Variants in CNGB1 observed in about 807,000 individuals in gnomAD.
The protein encoded by CNGB1 is cyclic nucleotide-gated channel beta-1.
In CNGB1, 126 loss-of-function variants were observed where a neutral mutation model predicts 151.7. The ratio of observed to expected loss-of-function variants is 0.83; its 90% CI spans 0.72 to 0.96. The LOEUF is 0.96. CNGB1 is among the 40% of genes least tolerant of loss of function. CNGB1 has a pLI of 0.00. For missense variants in CNGB1, 1,698 were observed against 1,627.0 expected, an observed-to-expected ratio of 1.04 and a Z score of -0.75; for synonymous variants, 623 against 635.1, an observed-to-expected ratio of 0.98 and a Z score of 0.29.
chr16:57,902,989 T>C (rs1420430188), intron 27 of CNGB1, among the ~76,000 whole-genome samples: 2 of 152,094 alleles, frequency 1.3e-5, no homozygotes, highest in African/African-American at 2.4e-5. Context: ...GCCCGTAGTC[T>C]TGTAGCTCGA....
intron 15 of CNGB1, 112 bp downstream of exon 15, chr16:57,940,122 C>T (rs1961625662): frequency 1.6e-5 from 17 of 1,033,664 alleles, no homozygotes; most frequent in Admixed American, 6.0e-5. Flanking sequence ...CTCTGTCCTG[C>T]GGGCATCTTA....
In CNGB1 at chr16:57,964,204, T is replaced by C. The variant is rs756954434; in HGVS notation, c.218-2A>G. On this transcript the variant is annotated splice_acceptor_variant, in intron 3 of 32. Transcript: ENST00000251102. LOFTEE classifies it high-confidence loss of function. The stretch of plus-strand genomic sequence containing the variant: ...AAGTAAGGGCAGCCTCCTTGGTCTC[T>C]GGAAAAGAATCTCTCATCCTTCAGA... 23 of 1,613,888 alleles carry C rather than the reference T, an allele frequency of 1.4e-5. No homozygotes were observed. Among genetic ancestry groups the C allele is most frequent in the Non-Finnish European group, 1.9e-5 (23 of 1,179,920 alleles).
At chr16:57,942,563 C>T (rs77546485) in intron 14 of CNGB1, among the ~76,000 whole-genome samples, 12,808 of 152,050 alleles carry the variant, frequency 0.084, 1,722 homozygotes, top group African/African-American at 0.29. Flanking sequence ...AAAACATCGA[C>T]GAAAGAAACT....
At chr16:57,955,262 A>T in intron 12 of CNGB1, 1 of 1,548,896 alleles carries the variant, frequency 6.5e-7, no homozygotes, top group Non-Finnish European at 8.7e-7. Context: ...CTCCCCCGGG[A>T]AGGTCTTCTC....
Position 57,917,303 on chromosome 16 carries a change from T to C in CNGB1, c.2131A>G (p.Thr711Ala), listed in dbSNP as rs1462537449. The change falls in exon 21 of 33, where the codon ACA becomes GCA. Residue 711 changes from threonine (T) to alanine (A), a missense_variant. Coordinates refer to ENST00000251102, the MANE Select transcript of CNGB1 (RefSeq NM_001297.5). ...IYFLDITVFQ[T>A]RLQFVRGGDI... The stretch of plus-strand genomic sequence containing the variant: ...CCGCCTCTGACAAACTGCAGGCGTG[T>C]CTGGAACACGGTGATGTCCAGGAAG... 6.2e-7 allele frequency: 1 copy of C among 1,613,918 alleles called. No homozygotes were observed. The highest frequency in any genetic ancestry group is 1.3e-5 in the African/African-American group (1 of 74,868).
rs1166831114 is a variant in CNGB1, at chr16:57,960,333, C to T, written c.583+149G>A. The T allele has an allele frequency of 3.3e-6, 4 of 1,200,528 alleles. No individual in the cohort carries two copies. In the African/African-American group the frequency reaches 4.5e-5, roughly 14 times the overall value. 74.4% of individuals were successfully genotyped at this position (1,200,528 alleles called of 1,614,324 possible). A position where few individuals can be genotyped will look rare whatever the true frequency, so the allele number is the denominator to read the frequency against. Reference sequence around the variant, plus strand: ...TGGGGAGGGGATTCTGGTGTCCCCGCCAACAGCCTGCTCCAGGCAAGCCCT... The same window carrying T: ...TGGGGAGGGGATTCTGGTGTCCCCGTCAACAGCCTGCTCCAGGCAAGCCCT... On this transcript the variant is annotated intron_variant, in intron 9 of 32. Transcript: ENST00000251102.
intron 1 of CNGB1, among the ~76,000 whole-genome samples, chr16:57,970,199 T>C (rs939003475): frequency 2.6e-5 from 4 of 152,142 alleles, no homozygotes; most frequent in African/African-American, 9.7e-5. Context: ...TCCATTTCCC[T>C]GAAGGTGGGG....
At position 57,904,722 on chromosome 16, in the gene CNGB1, G is replaced by T. The variant is rs765514157; in HGVS notation, c.2634+12C>A. On this transcript the variant is annotated intron_variant, in intron 26 of 32. Coordinates refer to ENST00000251102, the MANE Select transcript of CNGB1 (RefSeq NM_001297.5). ...TCAGGTGGGGTGGGAAGCTGGGCTG[G>T]TGCCCCGATACCTGTCCGATCATCA... 3.7e-6 allele frequency: 6 copies of T among 1,613,840 alleles called. No homozygotes were observed. Among genetic ancestry groups the T allele is most frequent in the Middle Eastern group, 1.7e-4 (1 of 5,924 alleles).
In CNGB1 at chr16:57,967,229, T is replaced by C. The variant is rs1467475379; in HGVS notation, c.58A>G (p.Lys20Glu). 6 of 1,614,070 alleles carry C rather than the reference T, an allele frequency of 3.7e-6. No individual in the cohort carries two copies. In the East Asian group the frequency reaches 1.1e-4, roughly 30 times the overall value. ...TCCACTTCCTCTTCCTCCTGCATCTTGGTCTTCCGAGGGGTCCCTGGGGGC... is the reference window on the plus strand; with the variant it reads ...TCCACTTCCTCTTCCTCCTGCATCTCGGTCTTCCGAGGGGTCCCTGGGGGC... ...PQPPGTPRKT[K>E]MQEEEEVEPE... Residue 20 changes from lysine (K) to glutamate (E), a missense_variant, in exon 2 of 33, where the codon AAG becomes GAG. By Grantham distance (56) the Lys-to-Glu change is moderately conservative. Transcript: ENST00000251102.
intron 19 of CNGB1, 84 bp from the exon 20 acceptor site, chr16:57,919,338 T>C: frequency 6.2e-7 from 1 of 1,609,942 alleles, no homozygotes; most frequent in Non-Finnish European, 8.5e-7. Context: ...ACTGCAGACC[T>C]TGGATCCAGA....
chr16:57,946,081 G>A (rs911375375), intron 14 of CNGB1, among the ~76,000 whole-genome samples: 2 of 152,138 alleles, frequency 1.3e-5, no homozygotes, highest in African/African-American at 4.8e-5. Context: ...CAGCCCAGAA[G>A]CAGCAAGCCA....
At chr16:57,920,234 C>T (rs1259230815) in intron 19 of CNGB1, among the ~76,000 whole-genome samples, 153 bp downstream of exon 19, 2 of 152,194 alleles carry the variant, frequency 1.3e-5, no homozygotes, top group Non-Finnish European at 2.9e-5. Flanking sequence ...TCAACCTGTA[C>T]ATATGGATCC....
At position 57,958,433 on chromosome 16, in the gene CNGB1, G is replaced by A. The variant is rs1962146726; in HGVS notation, c.814C>T (p.Leu272=). ...ACCTGTTCCCCTATTTTCCCATGTA[G>A]CACTGGCTGCGGCAAGGCCATCTCC... The part of the protein sequence containing the change: ...RLEMALPQPV[L]HGKIGEQEPD... Residue 272 remains leucine (L), a synonymous_variant, in exon 11 of 33, where the codon CTA becomes TTA. Transcript: ENST00000251102. 1 of 1,587,848 alleles carries A rather than the reference G, an allele frequency of 6.3e-7. No individual in the cohort carries two copies. Among genetic ancestry groups the A allele is most frequent in the Non-Finnish European group, 8.5e-7 (1 of 1,171,652 alleles).
chr16:57,901,662 C>T (rs181968363), intron 27 of CNGB1, 37 bp from the exon 28 acceptor site: 47 of 1,571,288 alleles, frequency 3.0e-5, no homozygotes, highest in East Asian at 2.9e-4. Flanking sequence ...GAGGCAAGGC[C>T]GGGCCCCACC....
At chr16:57,901,762 G>T in intron 27 of CNGB1, 137 bp from the exon 28 acceptor site, 1 of 730,826 alleles carries the variant, frequency 1.4e-6, no homozygotes, top group Non-Finnish European at 2.4e-6. Context: ...GATTTGTAGT[G>T]CACCCTCTCT....
At position 57,949,377 on chromosome 16, in the gene CNGB1, T is replaced by C; in HGVS notation, c.1097A>G (p.Glu366Gly). ...DEEEEEEEEE[E>G]EEEEEVTEVL... ...CTCAGTCACCTCCTCCTCTTCCTCCTCCTCCTCCTCTTCCTCTTCCTCCTC... is the reference window on the plus strand; with the variant it reads ...CTCAGTCACCTCCTCCTCTTCCTCCCCCTCCTCCTCTTCCTCTTCCTCCTC... The change falls in exon 14 of 33, where the codon GAG (glutamate) becomes GGG (glycine). Residue 366 changes from glutamate (E) to glycine (G), a missense_variant. Physicochemically the swap from Glu to Gly is moderately conservative, Grantham distance 98. Coordinates refer to ENST00000251102, the MANE Select transcript of CNGB1 (RefSeq NM_001297.5). The C allele has an allele frequency of 6.2e-7, 1 of 1,612,708 alleles. No individual in the cohort carries two copies. The highest frequency in any genetic ancestry group is 1.7e-5 in the Admixed American group (1 of 60,010).
intron 16 of CNGB1, among the ~76,000 whole-genome samples, chr16:57,934,802 C>CAA (rs1192061759): frequency 6.6e-6 from 1 of 152,074 alleles, no homozygotes; most frequent in African/African-American, 2.4e-5. Context: ...ACTAAAAATA[C>CAA]AAAAATTCCC....
chr16:57,936,900 G>A (rs1388064184), intron 16 of CNGB1, among the ~76,000 whole-genome samples: 1 of 152,088 alleles, frequency 6.6e-6, no homozygotes, highest in Non-Finnish European at 1.5e-5. Flanking sequence ...GAAGAGAAGG[G>A]GGCTACAACC....
chr16:57,960,383 G>A (rs1193792652), intron 9 of CNGB1, 99 bp downstream of exon 9: 2 of 1,462,314 alleles, frequency 1.4e-6, no homozygotes, highest in South Asian at 1.2e-5. Flanking sequence ...TCTGGGTGGG[G>A]GCTAAGGGCC....
Sources: allele counts gnomAD v4.1 joint callset (sites outside exome capture counted in the v4.1 genomes callset), GRCh38; gene constraint gnomAD v4.1.1; transcripts MANE v1.5; gene names NCBI Gene and HGNC (gene_info 2026-07-23, HGNC 2026-07-21).